The following MOB1B variants were observed in gnomAD, a reference collection of about 807,000 sequenced individuals.
MOB1B encodes MOB1 Mps One Binder homolog B.
A neutral mutation model predicts 24.4 loss-of-function variants in MOB1B; 19 were observed. That is an observed-to-expected ratio of 0.78 (90% CI 0.54 to 1.14). The LOEUF is 1.14. MOB1B is among the 50% of genes most tolerant of loss of function. The probability of loss-of-function intolerance (pLI) is 0.00; values close to 1 mark genes in which losing one functional copy is unlikely to be tolerated. For synonymous variants in MOB1B, 76 were observed against 82.1 expected (o/e 0.93, Z 0.40); for missense variants, 243 against 259.6 (o/e 0.94, Z 0.44).
At chr4:70,921,717 C>T (rs1300671449) in intron 1 of MOB1B, among the ~76,000 whole-genome samples, 3 of 151,994 alleles carry the variant, frequency 2.0e-5, no homozygotes, top group Non-Finnish European at 4.4e-5. Flanking sequence ...CCGTGTTGGC[C>T]AGGTTGATCT....
chr4:70,979,174 C>G lies in MOB1B; in HGVS notation c.456C>G (p.Leu152=), dbSNP rs756593458. The G allele has an allele frequency of 6.2e-7, 1 of 1,613,738 alleles. No homozygotes were observed. The highest frequency in any genetic ancestry group is 1.1e-5 in the South Asian group (1 of 91,040). Residue 152 remains leucine (L), a synonymous_variant, in exon 5 of 6, where the codon CTC becomes CTG. Coordinates refer to ENST00000309395, the MANE Select transcript of MOB1B (RefSeq NM_173468.4). ...TCATGTCTGTGGCAAAAACTATACT[C>G]AAACGCCTCTTTAGGGTTTATGCTC... The part of the protein sequence containing the change: ...KNFMSVAKTI[L]KRLFRVYAHI...
upstream of MOB1B, chr4:70,902,317 C>T (rs994498434): frequency 1.6e-5 from 10 of 640,962 alleles, no homozygotes; most frequent in South Asian, 1.6e-4. Context: ...CCTTCCCCTC[C>T]CCTGGAGTGA....
chr4:70,959,100 T>C, intron 2 of MOB1B, 60 bp downstream of exon 2: 4 of 1,400,362 alleles, frequency 2.9e-6, no homozygotes, highest in Non-Finnish European at 4.0e-6. Context: ...TCATTGTTGG[T>C]GAGTGTTGGT....
chr4:70,977,698 AT>A (rs1012928965), intron 4 of MOB1B, among the ~76,000 whole-genome samples: 12 of 148,690 alleles, frequency 8.1e-5, no homozygotes, highest in South Asian at 2.1e-4. Flanking sequence ...CTTCTTTTAA[AT>A]TTTTTTTTTT....
Position 70,970,161 on chromosome 4 carries a change from C to T in MOB1B, c.275+137C>T. ...TTGCCAGTGACTATTAATCTAGATT[C>T]CTTAGCTTGGGGTTTGTGACTGTCC... On this transcript the variant is annotated intron_variant, in intron 3 of 5. Transcript: ENST00000309395. The T allele has an allele frequency of 5.2e-6, 3 of 573,194 alleles. No homozygotes were observed. The East Asian group carries it at 8.6e-5, about 16-fold the overall frequency. The allele number at this position is 573,194 out of a possible 1,614,324, so 35.5% of individuals were successfully genotyped here.
At chr4:70,926,731 G>A (rs984955395) in intron 1 of MOB1B, among the ~76,000 whole-genome samples, 2 of 152,174 alleles carry the variant, frequency 1.3e-5, no homozygotes, top group African/African-American at 4.8e-5. Context: ...GATGTGCCGG[G>A]CGCAGTGGCT....
intron 1 of MOB1B, among the ~76,000 whole-genome samples, chr4:70,919,315 TAAAA>T (rs528264787): frequency 7.0e-6 from 1 of 142,554 alleles, no homozygotes; most frequent in African/African-American, 2.6e-5. Flanking sequence ...TAATAATAAT[TAAAA>T]AAAAAAAAAG....
In MOB1B at chr4:70,969,997, G is replaced by A; in HGVS notation, c.248G>A (p.Ser83Asn). 1 of 1,600,348 alleles carries A rather than the reference G, an allele frequency of 6.2e-7. No homozygotes were observed. The highest frequency in any genetic ancestry group is 1.3e-5 in the African/African-American group (1 of 74,824). The part of the protein sequence containing the change: ...GTITDFCTEE[S>N]CPVMSAGPKY... ...ATCACAGACTTCTGTACAGAAGAGA[G>A]TTGTCCAGTGATGTCAGCTGGCCCA... Residue 83 changes from serine (S) to asparagine (N), a missense_variant, in exon 3 of 6, where the codon AGT (serine) becomes AAT (asparagine). Transcript: ENST00000309395.
intron 1 of MOB1B, among the ~76,000 whole-genome samples, chr4:70,919,267 C>T (rs1157409896): frequency 6.6e-6 from 1 of 150,836 alleles, no homozygotes; most frequent in Non-Finnish European, 1.5e-5. Context: ...AAGTAACAAA[C>T]CTGCATATTG....
chr4:70,975,184 A>T lies in MOB1B; in HGVS notation c.307A>T (p.Ile103Leu). The change falls in exon 4 of 6, where the codon ATA (isoleucine) becomes TTA (leucine). Residue 103 changes from isoleucine to leucine, a missense_variant. Coordinates refer to ENST00000309395, the MANE Select transcript of MOB1B (RefSeq NM_173468.4). Reference sequence around the variant, plus strand: ...GTATCATTGGGCAGATGGAACGAACATAAAGAAACCTATTAAGTGCTCTGC... The same window carrying T: ...GTATCATTGGGCAGATGGAACGAACTTAAAGAAACCTATTAAGTGCTCTGC... ...YEYHWADGTN[I>L]KKPIKCSAPK... The T allele has an allele frequency of 6.2e-7, 1 of 1,609,936 alleles. No individual in the cohort carries two copies. The highest frequency in any genetic ancestry group is 8.5e-7 in the Non-Finnish European group (1 of 1,178,708).
intron 1 of MOB1B, among the ~76,000 whole-genome samples, chr4:70,916,666 C>G (rs1560630757): frequency 6.6e-6 from 1 of 152,228 alleles, no homozygotes; most frequent in Middle Eastern, 3.4e-3. Context: ...CTCCCGGGTT[C>G]AAGCAATTCT....
At position 70,975,192 on chromosome 4, in the gene MOB1B, A is replaced by T. The variant is rs767123707; in HGVS notation, c.315A>T (p.Lys105Asn). 1 of 1,610,452 alleles carries T rather than the reference A, an allele frequency of 6.2e-7. No homozygotes were observed. ...YHWADGTNIKKPIKCSAPKYI... is the reference protein window; with the variant it reads ...YHWADGTNIKNPIKCSAPKYI... The stretch of plus-strand genomic sequence containing the variant: ...GGGCAGATGGAACGAACATAAAGAA[A>T]CCTATTAAGTGCTCTGCACCAAAGT... Residue 105 changes from lysine (K) to asparagine (N), a missense_variant, in exon 4 of 6, where the codon AAA (lysine) becomes AAT (asparagine). Coordinates refer to ENST00000309395, the MANE Select transcript of MOB1B (RefSeq NM_173468.4).
intron 1 of MOB1B, among the ~76,000 whole-genome samples, chr4:70,951,746 A>G (rs1737815582): frequency 6.6e-6 from 1 of 152,200 alleles, no homozygotes; most frequent in Admixed American, 6.5e-5. Context: ...AAAAATACAA[A>G]AAATTAGCTG....
At chr4:70,957,280 A>AG (rs1390008930) in intron 1 of MOB1B, among the ~76,000 whole-genome samples, 5 of 146,340 alleles carry the variant, frequency 3.4e-5, no homozygotes, top group African/African-American at 1.0e-4. Flanking sequence ...AAAAAAAAAC[A>AG]GAAAAAAAAA....
chr4:70,921,968 T>A (rs1405501526), intron 1 of MOB1B, among the ~76,000 whole-genome samples: 1 of 152,234 alleles, frequency 6.6e-6, no homozygotes, highest in Non-Finnish European at 1.5e-5. Context: ...TAATGACTCC[T>A]TACTACATTG....
intron 1 of MOB1B, among the ~76,000 whole-genome samples, chr4:70,938,282 G>C (rs1180510014): frequency 7.5e-6 from 1 of 132,822 alleles, no homozygotes; most frequent in Non-Finnish European, 1.5e-5. Context: ...TATCTTTTCA[G>C]GTCCTTATAC....
At chr4:70,969,551 A>G (rs1024129589) in intron 2 of MOB1B, among the ~76,000 whole-genome samples, 13 of 152,142 alleles carry the variant, frequency 8.5e-5, no homozygotes, top group Admixed American at 2.6e-4. Context: ...ATGATTACCA[A>G]CATCTCTTCA....
chr4:70,952,213 AT>A (rs1238893244), intron 1 of MOB1B, among the ~76,000 whole-genome samples: 2 of 151,950 alleles, frequency 1.3e-5, no homozygotes, highest in African/African-American at 4.8e-5. Context: ...AAACTATATT[AT>A]AATATAATAT....
intron 2 of MOB1B, among the ~76,000 whole-genome samples, chr4:70,960,241 A>G (rs1158774001): frequency 3.3e-5 from 5 of 152,178 alleles, no homozygotes; most frequent in African/African-American, 1.2e-4. Flanking sequence ...TTAGTAAAAT[A>G]TATTTATGAG....
Sources: allele counts gnomAD v4.1 joint callset (sites outside exome capture counted in the v4.1 genomes callset), GRCh38; gene constraint gnomAD v4.1.1; transcripts MANE v1.5; gene names NCBI Gene and HGNC (gene_info 2026-07-23, HGNC 2026-07-21).